The following PDE4C variants were observed in gnomAD, a reference collection of about 807,000 sequenced individuals.
PDE4C encodes the protein phosphodiesterase 4C.
A neutral mutation model predicts 63.9 loss-of-function variants in PDE4C; 50 were observed. The ratio of observed to expected loss-of-function variants is 0.78; its 90% CI spans 0.62 to 0.99. PDE4C has a LOEUF of 0.99. Among genes scored for constraint, PDE4C ranks in the 50% least tolerant of loss-of-function variants. PDE4C has a pLI of 0.00. For synonymous variants in PDE4C, 377 were observed against 385.1 expected, an observed-to-expected ratio of 0.98 and a Z score of 0.25; for missense variants, 777 against 899.1, an observed-to-expected ratio of 0.86 and a Z score of 1.74.
At chr19:18,241,649 C>G (rs1205925469) in intron 1 of PDE4C, among the ~76,000 whole-genome samples, 1 of 152,050 alleles carries the variant, frequency 6.6e-6, no homozygotes, top group African/African-American at 2.4e-5. Flanking sequence ...CTCCTAAGCT[C>G]AAGGATCCTC....
At chr19:18,213,992 C>T (rs1968083856) in intron 12 of PDE4C, among the ~76,000 whole-genome samples, 1 of 152,218 alleles carries the variant, frequency 6.6e-6, no homozygotes, top group South Asian at 2.1e-4. Context: ...GGCGCCGTGG[C>T]TCACGCCTGT....
chr19:18,229,403 A>T (rs1040291280), upstream of PDE4C, among the ~76,000 whole-genome samples: 1 of 150,650 alleles, frequency 6.6e-6, no homozygotes, highest in African/African-American at 2.5e-5. Context: ...ACCACGCCCA[A>T]CTAATTTTGG....
intron 1 of PDE4C, 140 bp from the exon 2 acceptor site, chr19:18,222,463 A>G (rs2074973): frequency 0.57 from 382,758 of 671,812 alleles, 114,550 homozygotes; most frequent in Non-Finnish European, 0.62. Flanking sequence ...ACCTGCCCCC[A>G]GCTACACCCT....
chr19:18,218,722 C>G (rs114734373), intron 9 of PDE4C, among the ~76,000 whole-genome samples: 2,095 of 152,350 alleles, frequency 0.014, 51 homozygotes, highest in African/African-American at 0.048. Context: ...AGATTTCTCT[C>G]CTCTTCAGGG....
upstream of PDE4C, among the ~76,000 whole-genome samples, chr19:18,231,305 A>G (rs763641425): frequency 2.0e-5 from 3 of 152,214 alleles, no homozygotes; most frequent in Non-Finnish European, 4.4e-5. Context: ...GTGCACAGGG[A>G]CACCCAATCC....
chr19:18,246,473 G>A (rs906714508), intron 1 of PDE4C, among the ~76,000 whole-genome samples: 4 of 151,520 alleles, frequency 2.6e-5, no homozygotes, highest in South Asian at 2.1e-4. Flanking sequence ...GTGAGCCACC[G>A]CGCCCAGACT....
intron 1 of PDE4C, among the ~76,000 whole-genome samples, chr19:18,241,983 T>C (rs1182585420): frequency 6.6e-6 from 1 of 152,156 alleles, no homozygotes; most frequent in Non-Finnish European, 1.5e-5. Context: ...AAAAGAAAAC[T>C]GGACAAGGGT....
rs776943817 is a variant in PDE4C, at chr19:18,220,776, T to G, written c.499+98A>C. 1.9e-5 allele frequency: 22 copies of G among 1,186,436 alleles called. No individual in the cohort carries two copies. In the African/African-American group the frequency reaches 2.8e-4, roughly 15 times the overall value. 73.5% of individuals were successfully genotyped at this position (1,186,436 alleles called of 1,614,324 possible). On this transcript the variant is annotated intron_variant, in intron 5 of 14. Coordinates refer to ENST00000262805, the Ensembl canonical transcript of PDE4C. This position sits in a 1 kb window ranked among gnomAD's most constrained non-coding sequence, Gnocchi z 5.1. ...TGTTTTTGCAGGGGCGGGGCTACAA[T>G]TAGCCCCAGTATAAGGGGCTCATGG...
intron 1 of PDE4C, among the ~76,000 whole-genome samples, chr19:18,238,791 C>A (rs924328686): frequency 5.3e-5 from 8 of 151,872 alleles, no homozygotes; most frequent in Admixed American, 1.3e-4. Flanking sequence ...AGGAATTCGA[C>A]ACCAGCCTGG....
At chr19:18,239,388 T>A (rs1969002799) in intron 1 of PDE4C, among the ~76,000 whole-genome samples, 2 of 152,156 alleles carry the variant, frequency 1.3e-5, no homozygotes, top group South Asian at 2.1e-4. Flanking sequence ...GAGTGTGAGC[T>A]CTTCAGCGCA....
At chr19:18,247,374 C>T (rs921427695) in intron 1 of PDE4C, among the ~76,000 whole-genome samples, 8 of 152,288 alleles carry the variant, frequency 5.3e-5, no homozygotes, top group Admixed American at 3.3e-4. Flanking sequence ...CAACTCACTG[C>T]AACCTCCGCC....
chr19:18,226,986 A>G (rs574933904), upstream of PDE4C, among the ~76,000 whole-genome samples: 1 of 152,256 alleles, frequency 6.6e-6, no homozygotes, highest in Non-Finnish European at 1.5e-5. Context: ...GTCCCTGGTT[A>G]GTGCAGCTTG....
chr19:18,251,870 C>T (rs1291876122), upstream of PDE4C, among the ~76,000 whole-genome samples: 1 of 151,962 alleles, frequency 6.6e-6, no homozygotes, highest in East Asian at 1.9e-4. Flanking sequence ...CCCATCGCTG[C>T]GTGCCCAGCC....
exon 1 of PDE4C, chr19:18,248,179 C>T (rs1292802254): frequency 4.6e-5 from 21 of 456,174 alleles, no homozygotes; most frequent in Admixed American, 1.9e-4. Context: ...ACCACCACTG[C>T]GGAGTCCTGC....
chr19:18,226,537 C>CCGAT, upstream of PDE4C: 3 of 662,858 alleles, frequency 4.5e-6, no homozygotes, highest in Non-Finnish European at 6.4e-6. Context: ...TCGAGGCCGG[C>CCGAT]GGCTCCCTGA....
At chr19:18,254,876 C>T in the PDE4C span, among the ~76,000 whole-genome samples, 1 of 152,218 alleles carries the variant, frequency 6.6e-6, no homozygotes, top group Admixed American at 6.5e-5. Flanking sequence ...CTGGAACCCC[C>T]ATGGCCCTGA....
exon 15 of PDE4C, chr19:18,210,940 G>T (rs1194981417): frequency 1.2e-5 from 19 of 1,607,912 alleles, no homozygotes; most frequent in Non-Finnish European, 1.6e-5. Context: ...TAAGTCCTCT[G>T]GTTGTCGAGG....
intron 1 of PDE4C, among the ~76,000 whole-genome samples, chr19:18,241,915 A>T (rs78490128): frequency 0.02 from 3,116 of 152,146 alleles, 113 homozygotes; most frequent in African/African-American, 0.071. Flanking sequence ...ACACATTCCT[A>T]TTTGTTCACG....
upstream of PDE4C, among the ~76,000 whole-genome samples, chr19:18,227,301 C>G (rs1968759654): frequency 6.6e-6 from 1 of 152,136 alleles, no homozygotes; most frequent in African/African-American, 2.4e-5. Flanking sequence ...GAGACCCAAA[C>G]TCAGGGCCCC....
Sources: allele counts gnomAD v4.1 joint callset (sites outside exome capture counted in the v4.1 genomes callset), GRCh38; gene constraint gnomAD v4.1.1; non-coding constraint Gnocchi (gnomAD v3.1); transcripts MANE v1.5; gene names NCBI Gene and HGNC (gene_info 2026-07-23, HGNC 2026-07-21).